The following LCLAT1 variants were observed in gnomAD, a reference collection of about 807,000 sequenced individuals.
LCLAT1 encodes the protein 1-AGP acyltransferase 8.
A neutral mutation model predicts 30.7 loss-of-function variants in LCLAT1; 11 were observed. The ratio of observed to expected loss-of-function variants is 0.36; its 90% CI spans 0.23 to 0.59. The LOEUF (loss-of-function observed/expected upper bound fraction) is 0.59. LCLAT1 is among the 20% of genes least tolerant of loss of function. The pLI, the probability that LCLAT1 is intolerant of heterozygous loss-of-function variation, is 0.77. For missense variants in LCLAT1, 402 were observed against 458.6 expected, an observed-to-expected ratio of 0.88 and a Z score of 1.13; for synonymous variants, 155 against 151.3, an observed-to-expected ratio of 1.02 and a Z score of -0.18.
At chr2:30,639,944 G>C (rs1390379580) in intron 5 of LCLAT1, among the ~76,000 whole-genome samples, 173 bp from the exon 6 acceptor site, 1 of 151,800 alleles carries the variant, frequency 6.6e-6, no homozygotes, top group Non-Finnish European at 1.5e-5. Context: ...AAAGATGACT[G>C]GTAAATATTG....
chr2:30,591,833 C>T (rs1343601203), intron 5 of LCLAT1, among the ~76,000 whole-genome samples: 1 of 152,142 alleles, frequency 6.6e-6, no homozygotes, highest in Non-Finnish European at 1.5e-5. Flanking sequence ...TACCTATACA[C>T]CTTGAAAATT....
Position 30,461,970 on chromosome 2 carries a change from C to T in LCLAT1, c.-5+14587C>T, listed in dbSNP as rs530993378. On this transcript the variant is annotated intron_variant, in intron 1 of 5. Coordinates refer to ENST00000379509, the MANE Select transcript of LCLAT1 (RefSeq NM_001002257.3). ...GTGTTTTTTAGTAGAGACGGGGTTT[C>T]ACTGTGTTAGCCAGGATGGTCTCGA... Among the ~76,000 whole-genome samples the T allele has an allele frequency of 5.9e-5, 9 of 151,642 alleles. 1 individual carries two copies. In the South Asian group the frequency reaches 1.9e-3, roughly 32 times the overall value.
At chr2:30,483,775 C>T (rs753237223) in intron 1 of LCLAT1, among the ~76,000 whole-genome samples, 17 of 152,216 alleles carry the variant, frequency 1.1e-4, no homozygotes, top group Non-Finnish European at 2.4e-4. Flanking sequence ...AACTAAAACT[C>T]CTACTGGATT....
At chr2:30,479,971 C>A (rs923253743) in intron 1 of LCLAT1, among the ~76,000 whole-genome samples, 31 of 152,116 alleles carry the variant, frequency 2.0e-4, no homozygotes, top group Admixed American at 1.2e-3. Flanking sequence ...TAATCCCTGC[C>A]TTCTGTATTT....
chr2:30,516,050 ACTCAG>A (rs1685163544), intron 1 of LCLAT1, among the ~76,000 whole-genome samples: 1 of 152,110 alleles, frequency 6.6e-6, no homozygotes, highest in South Asian at 2.1e-4. Flanking sequence ...GGGGCTTGTA[ACTCAG>A]CTCACACCTG....
chr2:30,605,842 G>C (rs970699182), intron 5 of LCLAT1, among the ~76,000 whole-genome samples: 8 of 152,050 alleles, frequency 5.3e-5, no homozygotes, highest in Admixed American at 6.6e-5. Flanking sequence ...TCCACGGCTC[G>C]GGGAGGGAGT....
rs116416894 is a variant in LCLAT1, at chr2:30,458,083, G to A, written c.-5+10700G>A. Among the ~76,000 whole-genome samples, 930 of 152,134 alleles carry A rather than the reference G, an allele frequency of 6.1e-3. 8 individuals are homozygous for A. The highest frequency in any genetic ancestry group is 0.01 in the Middle Eastern group (3 of 294). ...AGGCAACTTTTCACTTGGTTGTTAG[G>A]TTGTAAGTTTCACTGGCAATAATTG... On this transcript the variant is annotated intron_variant, in intron 1 of 5. Coordinates refer to ENST00000379509, the MANE Select transcript of LCLAT1 (RefSeq NM_001002257.3).
At chr2:30,637,142 A>G (rs982464690) in intron 5 of LCLAT1, among the ~76,000 whole-genome samples, 6 of 152,302 alleles carry the variant, frequency 3.9e-5, no homozygotes, top group Middle Eastern at 3.4e-3. Context: ...GAGAGAAAGG[A>G]AAGGGTGAGT....
chr2:30,563,593 G>A (rs574313594), intron 4 of LCLAT1, among the ~76,000 whole-genome samples: 8 of 152,184 alleles, frequency 5.3e-5, no homozygotes, highest in Non-Finnish European at 1.2e-4. Flanking sequence ...GGAGAGAACT[G>A]AAGTCTAAAA....
chr2:30,605,443 G>C (rs1045926963), intron 5 of LCLAT1, among the ~76,000 whole-genome samples: 6 of 152,186 alleles, frequency 3.9e-5, no homozygotes, highest in African/African-American at 1.4e-4. Flanking sequence ...ACTGTATGCA[G>C]ATTTATTCTA....
At chr2:30,496,991 TCAG>T (rs1382569669) in intron 1 of LCLAT1, among the ~76,000 whole-genome samples, 1 of 152,254 alleles carries the variant, frequency 6.6e-6, no homozygotes, top group Non-Finnish European at 1.5e-5. Flanking sequence ...TATTACAATG[TCAG>T]TATTTACTTA....
At chr2:30,464,769 G>C (rs1170661901) in intron 1 of LCLAT1, among the ~76,000 whole-genome samples, 1 of 152,164 alleles carries the variant, frequency 6.6e-6, no homozygotes, top group East Asian at 1.9e-4. Context: ...AGGGTCAGAA[G>C]GCCTATGACC....
chr2:30,633,872 A>G (rs12052260), intron 5 of LCLAT1, among the ~76,000 whole-genome samples: 60,264 of 151,946 alleles, frequency 0.4, 12,805 homozygotes, highest in East Asian at 0.6. Flanking sequence ...TCTTCACTGT[A>G]CTATGCATGT....
At chr2:30,465,882 C>G (rs1311965947) in intron 1 of LCLAT1, among the ~76,000 whole-genome samples, 1 of 152,072 alleles carries the variant, frequency 6.6e-6, no homozygotes, top group African/African-American at 2.4e-5. Context: ...GAAAGAATTT[C>G]AAGTCCATTG....
At chr2:30,609,262 A>C (rs963627287) in intron 5 of LCLAT1, among the ~76,000 whole-genome samples, 3 of 151,814 alleles carry the variant, frequency 2.0e-5, no homozygotes, top group Admixed American at 2.0e-4. Context: ...CAAATTAAGA[A>C]GTTTTTATCT....
At chr2:30,622,880 A>G (rs1375050928) in intron 5 of LCLAT1, among the ~76,000 whole-genome samples, 2 of 152,118 alleles carry the variant, frequency 1.3e-5, no homozygotes, top group Admixed American at 1.3e-4. Context: ...TATTCTGGTA[A>G]TATGACAAAA....
At position 30,510,824 on chromosome 2, in the gene LCLAT1, C is replaced by T. The variant is rs534731368; in HGVS notation, c.-4-14763C>T. Among the ~76,000 whole-genome samples the T allele has an allele frequency of 1.9e-4, 29 of 152,004 alleles. No individual in the cohort carries two copies. The South Asian group carries it at 5.0e-3, about 26-fold the overall frequency. ...CAACTTTATTTTCTAACTCTTTGGT[C>T]GTGTATAATTTTTGCTAATCATTTT... On this transcript the variant is annotated intron_variant, in intron 1 of 5. Coordinates refer to ENST00000379509, the MANE Select transcript of LCLAT1 (RefSeq NM_001002257.3).
At chr2:30,507,952 C>G (rs1684750880) in intron 1 of LCLAT1, among the ~76,000 whole-genome samples, 1 of 152,082 alleles carries the variant, frequency 6.6e-6, no homozygotes. Context: ...CTCGTCAGCA[C>G]CTGTTATTTT....
chr2:30,581,526 T>A (rs1666212508), intron 5 of LCLAT1, among the ~76,000 whole-genome samples: 1 of 152,128 alleles, frequency 6.6e-6, no homozygotes, highest in South Asian at 2.1e-4. Flanking sequence ...ATCAGATGAA[T>A]GGATAAAGAA....
Sources: allele counts gnomAD v4.1 joint callset (sites outside exome capture counted in the v4.1 genomes callset), GRCh38; gene constraint gnomAD v4.1.1; transcripts MANE v1.5; gene names NCBI Gene and HGNC (gene_info 2026-07-23, HGNC 2026-07-21).